PHF2: variants seen among roughly 807,000 people sequenced by gnomAD.
PHF2 encodes PHD finger protein 2.
PHF2 carries 27 observed loss-of-function variants against 120.5 expected under a neutral mutation model. The ratio of observed to expected loss-of-function variants is 0.22; its 90% CI spans 0.17 to 0.31. PHF2 has a LOEUF of 0.31. Among genes scored for constraint, PHF2 ranks in the 10% least tolerant of loss-of-function variants. The pLI is 1.00. For synonymous variants in PHF2, 568 were observed against 592.5 expected, an observed-to-expected ratio of 0.96 and a Z score of 0.60; for missense variants, 1,024 against 1,434.8, an observed-to-expected ratio of 0.71 and a Z score of 4.63.
chr9:93,642,376 C>A (rs919855630), intron 3 of PHF2, among the ~76,000 whole-genome samples: 5 of 152,222 alleles, frequency 3.3e-5, no homozygotes, highest in Non-Finnish European at 7.3e-5. Flanking sequence ...TTTCTTGAAT[C>A]CCACACCTTT....
chr9:93,623,873 C>T (rs796493535), intron 1 of PHF2, among the ~76,000 whole-genome samples: 2 of 152,228 alleles, frequency 1.3e-5, no homozygotes, highest in African/African-American at 4.8e-5. Context: ...GGCTGTGGAA[C>T]AGAACACTCG....
At chr9:93,600,891 A>G (rs573727423) in intron 1 of PHF2, among the ~76,000 whole-genome samples, 20 of 152,342 alleles carry the variant, frequency 1.3e-4, no homozygotes, top group African/African-American at 4.6e-4. Flanking sequence ...GTTGCCATAG[A>G]TGATCTGAGC....
chr9:93,582,784 G>A (rs190308139), intron 1 of PHF2, among the ~76,000 whole-genome samples: 11 of 152,318 alleles, frequency 7.2e-5, no homozygotes, highest in Admixed American at 6.5e-4. Flanking sequence ...CAAAGGAGGC[G>A]TGTCTTGAAG....
chr9:93,630,417 G>C (rs1363114764), intron 2 of PHF2, among the ~76,000 whole-genome samples: 1 of 152,192 alleles, frequency 6.6e-6, no homozygotes, highest in Non-Finnish European at 1.5e-5. Context: ...GCCTAGCCCG[G>C]CCCAGCCAGC....
chr9:93,631,874 G>C (rs966445219), intron 2 of PHF2, among the ~76,000 whole-genome samples: 1 of 152,076 alleles, frequency 6.6e-6, no homozygotes, highest in Non-Finnish European at 1.5e-5. Flanking sequence ...TTGAGAAGAG[G>C]CTTTCAGACT....
chr9:93,662,752 A>T (rs1220593989), intron 12 of PHF2, among the ~76,000 whole-genome samples, 155 bp from the exon 13 acceptor site: 1 of 151,998 alleles, frequency 6.6e-6, no homozygotes, highest in African/African-American at 2.4e-5. Context: ...GAATGGGTAC[A>T]TCGATGGGTG....
intron 1 of PHF2, among the ~76,000 whole-genome samples, chr9:93,618,788 ATCTGTGTATT>A (rs1825769654): frequency 1.4e-5 from 1 of 70,504 alleles, no homozygotes; most frequent in Non-Finnish European, 3.0e-5. Flanking sequence ...TTGTGTTTGT[ATCTGTGTATT>A]TCTGTGTATG....
At chr9:93,667,336 A>G in intron 17 of PHF2, 96 bp downstream of exon 17, 2 of 1,451,424 alleles carry the variant, frequency 1.4e-6, no homozygotes, top group South Asian at 2.5e-5. Flanking sequence ...AGGCAGACGC[A>G]CAGCTGGAGC....
At position 93,576,722 on chromosome 9, in the gene PHF2, ACCGACCCGGG is replaced by A. The variant is rs1862823140; in HGVS notation, c.-50_-41del. 1.2e-6 allele frequency: 1 copy of A among 868,888 alleles called. No individual in the cohort carries two copies. Among genetic ancestry groups the A allele is most frequent in the Non-Finnish European group, 1.4e-6 (1 of 709,190 alleles). 53.8% of individuals were successfully genotyped at this position (868,888 alleles called of 1,614,324 possible). A position where few individuals can be genotyped will look rare whatever the true frequency, so the allele number is the denominator to read the frequency against. ...CGGCCCGGCCCCCGGCCCGGCCCGGACCGACCCGGGCAGCGCAGCGGCGGGGCCGAGCGGC... is the reference window on the plus strand; with the variant it reads ...CGGCCCGGCCCCCGGCCCGGCCCGGACAGCGCAGCGGCGGGGCCGAGCGGC... On this transcript the variant is annotated 5_prime_UTR_variant, in exon 1 of 22. Coordinates refer to ENST00000359246, the MANE Select transcript of PHF2 (RefSeq NM_005392.4).
chr9:93,605,796 A>G (rs547216953), intron 1 of PHF2, among the ~76,000 whole-genome samples: 2 of 152,188 alleles, frequency 1.3e-5, no homozygotes, highest in East Asian at 1.9e-4. Flanking sequence ...CAGTTTATTT[A>G]TCCATTCACC....
At position 93,667,304 on chromosome 9, in the gene PHF2, G is replaced by C. The variant is rs889131284; in HGVS notation, c.2348+64G>C. On this transcript the variant is annotated intron_variant, in intron 17 of 21. Coordinates refer to ENST00000359246, the MANE Select transcript of PHF2 (RefSeq NM_005392.4). Reference sequence around the variant, plus strand: ...CAGGCAGGCCCAGGGCTGGCCCTCGGCCATGATGGTGGGAGCCTGCGAGGC... The same window carrying C: ...CAGGCAGGCCCAGGGCTGGCCCTCGCCCATGATGGTGGGAGCCTGCGAGGC... 3 of 1,550,068 alleles carry C rather than the reference G, an allele frequency of 1.9e-6. No homozygotes were observed. The African/African-American group carries it at 4.1e-5, about 21-fold the overall frequency.
intron 9 of PHF2, among the ~76,000 whole-genome samples, chr9:93,657,497 C>T (rs533322035): frequency 6.6e-6 from 1 of 152,340 alleles, no homozygotes; most frequent in African/African-American, 2.4e-5. Context: ...GAAGCCACCC[C>T]ACAGGGCCAG....
At chr9:93,630,350 G>C (rs1825979760) in intron 2 of PHF2, among the ~76,000 whole-genome samples, 1 of 152,248 alleles carries the variant, frequency 6.6e-6, no homozygotes, top group Non-Finnish European at 1.5e-5. Context: ...GAGTTAGGGG[G>C]ACACGGACTT....
intron 1 of PHF2, among the ~76,000 whole-genome samples, chr9:93,597,767 C>G (rs74912627): frequency 0.024 from 3,636 of 152,260 alleles, 71 homozygotes; most frequent in South Asian, 0.059. Context: ...TCATGTGCCC[C>G]TTACATTTGT....
At chr9:93,603,146 G>A (rs1564377427) in intron 1 of PHF2, among the ~76,000 whole-genome samples, 4 of 152,192 alleles carry the variant, frequency 2.6e-5, no homozygotes, top group East Asian at 1.9e-4. Flanking sequence ...TGTGGATTCC[G>A]TGTTGGTGCC....
At chr9:93,665,614 C>T in intron 14 of PHF2, 72 bp from the exon 15 acceptor site, 2 of 1,540,074 alleles carry the variant, frequency 1.3e-6, no homozygotes, top group East Asian at 2.3e-5. Context: ...CAGAGGACCC[C>T]TCGGGAGGTC....
chr9:93,678,100 T>G lies in PHF2; in HGVS notation c.*424T>G, dbSNP rs1203281229. 1.8e-5 allele frequency: 3 copies of G among 163,090 alleles called. No homozygotes were observed. The highest frequency in any genetic ancestry group is 4.0e-5 in the Non-Finnish European group (3 of 75,434). The allele number at this position is 163,090 out of a possible 1,614,324, so 10.1% of individuals were successfully genotyped here. ...CCACAGGCTGGCAGCCTCCAGGGGCTTAAAAAAAAAGGCAAAGAACACAGA... is the reference window on the plus strand; with the variant it reads ...CCACAGGCTGGCAGCCTCCAGGGGCGTAAAAAAAAAGGCAAAGAACACAGA... On this transcript the variant is annotated 3_prime_UTR_variant, in exon 22 of 22. Transcript: ENST00000359246.
chr9:93,603,985 G>A (rs1457864589), intron 1 of PHF2, among the ~76,000 whole-genome samples: 3 of 152,248 alleles, frequency 2.0e-5, no homozygotes, highest in African/African-American at 7.2e-5. Context: ...CCTATTGCTG[G>A]AGTCAGGAGA....
intron 17 of PHF2, chr9:93,672,646 G>A (rs1826827284): frequency 1.0e-6 from 1 of 984,262 alleles, no homozygotes. Context: ...GTGCGGGGGT[G>A]GAGGTAGGTA....
Sources: allele counts gnomAD v4.1 joint callset (sites outside exome capture counted in the v4.1 genomes callset), GRCh38; gene constraint gnomAD v4.1.1; transcripts MANE v1.5; gene names NCBI Gene and HGNC (gene_info 2026-07-23, HGNC 2026-07-21).